The following FBXO36 variants were observed in gnomAD, a reference collection of about 807,000 sequenced individuals.
FBXO36 encodes F-box protein 36.
A neutral mutation model predicts 17.0 loss-of-function variants in FBXO36; 18 were observed. The ratio of observed to expected loss-of-function variants is 1.06; its 90% CI spans 0.73 to 1.57. The LOEUF is 1.57. Ranked by LOEUF, FBXO36 falls within the 40% of genes most tolerant of loss-of-function variation. The pLI is 0.00. For synonymous variants in FBXO36, 83 were observed against 85.3 expected (o/e 0.97, Z 0.15); for missense variants, 229 against 221.9 (o/e 1.03, Z -0.20).
At chr2:230,006,857 C>T (rs1362443907) in intron 3 of FBXO36, among the ~76,000 whole-genome samples, 1 of 152,222 alleles carries the variant, frequency 6.6e-6, no homozygotes, top group Non-Finnish European at 1.5e-5. Flanking sequence ...TCCCAAGAGC[C>T]AGACTGTGTA....
intron 2 of FBXO36, among the ~76,000 whole-genome samples, chr2:229,988,917 A>G (rs2077284377): frequency 6.7e-6 from 1 of 149,264 alleles, no homozygotes; most frequent in African/African-American, 2.5e-5. Flanking sequence ...CATATACTAT[A>G]TACATATCAT....
At chr2:230,009,623 G>T (rs1394296489) in intron 3 of FBXO36, among the ~76,000 whole-genome samples, 2 of 152,164 alleles carry the variant, frequency 1.3e-5, no homozygotes, top group Admixed American at 6.5e-5. Flanking sequence ...GACAGAAGAT[G>T]GGGTGATGGT....
At chr2:230,002,997 G>C (rs2077367965) in intron 3 of FBXO36, among the ~76,000 whole-genome samples, 1 of 151,900 alleles carries the variant, frequency 6.6e-6, no homozygotes, top group African/African-American at 2.4e-5. Context: ...TGGATCACGA[G>C]GTCAGGAGAT....
At chr2:229,976,372 T>TAC (rs1181438902) in intron 2 of FBXO36, 23 bp downstream of exon 2, 2 of 1,486,732 alleles carry the variant, frequency 1.3e-6, no homozygotes, top group African/African-American at 1.4e-5. Flanking sequence ...ACATATTATA[T>TAC]ACCCCTGTTA....
intron 3 of FBXO36, among the ~76,000 whole-genome samples, chr2:229,998,725 G>A (rs2077341016): frequency 6.6e-6 from 1 of 151,944 alleles, no homozygotes; most frequent in African/African-American, 2.4e-5. Flanking sequence ...AGGACGTTGA[G>A]GTTACAGTGA....
chr2:229,965,118 T>C (rs928223131), intron 1 of FBXO36, among the ~76,000 whole-genome samples: 9 of 151,064 alleles, frequency 6.0e-5, no homozygotes, highest in African/African-American at 1.9e-4. Flanking sequence ...TCTGATTTTT[T>C]AATACGCAGA....
Position 230,010,879 on chromosome 2 carries a change from C to T in FBXO36, c.562C>T (p.Pro188Ser), listed in dbSNP as rs142486766. The part of the protein sequence containing the change: ...QKYGNLREKQ[P>S] ...ATATGGAAACCTGAGAGAAAAGCAA[C>T]CTTAGGCACACATTTTCCTACCAGC... Residue 188 changes from proline (P) to serine (S), a missense_variant, in exon 4 of 4, where the codon CCT becomes TCT. By Grantham distance (74) the Pro-to-Ser change is moderately conservative. Transcript: ENST00000283946. 9 of 1,607,410 alleles carry T rather than the reference C, an allele frequency of 5.6e-6. No homozygotes were observed. The African/African-American group carries it at 1.2e-4, about 22-fold the overall frequency.
At chr2:229,969,479 G>A (rs2077170261) in intron 1 of FBXO36, among the ~76,000 whole-genome samples, 1 of 152,060 alleles carries the variant, frequency 6.6e-6, no homozygotes, top group South Asian at 2.1e-4. Context: ...ACGAGGCCAG[G>A]AGATTGAGAC....
At chr2:229,927,715 A>G (rs71415737) in intron 1 of FBXO36, among the ~76,000 whole-genome samples, 1 of 152,000 alleles carries the variant, frequency 6.6e-6, no homozygotes, top group African/African-American at 2.4e-5. Context: ...AATCCTATCC[A>G]AAGCTCCAAA....
intron 1 of FBXO36, among the ~76,000 whole-genome samples, chr2:229,963,535 C>T (rs1337250222): frequency 1.3e-5 from 2 of 150,784 alleles, no homozygotes; most frequent in African/African-American, 4.9e-5. Context: ...AGCTCCGCCT[C>T]GTGGGTTCAC....
chr2:229,933,622 G>A (rs924648328), intron 1 of FBXO36, among the ~76,000 whole-genome samples: 2 of 152,290 alleles, frequency 1.3e-5, no homozygotes, highest in African/African-American at 4.8e-5. Flanking sequence ...CTATTGAGAA[G>A]GCTGAGGCAG....
chr2:229,956,583 C>A (rs1315672869), intron 1 of FBXO36, among the ~76,000 whole-genome samples: 2 of 152,172 alleles, frequency 1.3e-5, no homozygotes, highest in African/African-American at 4.8e-5. Context: ...CAACTCGTGA[C>A]AAAGTCTGTC....
intron 1 of FBXO36, among the ~76,000 whole-genome samples, chr2:229,958,643 TATA>T (rs2077104763): frequency 6.6e-6 from 1 of 152,148 alleles, no homozygotes; most frequent in South Asian, 2.1e-4. Flanking sequence ...GTCAGGCCTC[TATA>T]AAGTATGTGT....
At chr2:229,985,899 T>A (rs72993088) in intron 2 of FBXO36, among the ~76,000 whole-genome samples, 2 of 151,748 alleles carry the variant, frequency 1.3e-5, no homozygotes, top group East Asian at 1.9e-4. Flanking sequence ...ATTAAAAAAA[T>A]TAGCTGGGCA....
At chr2:229,989,564 A>G (rs1411347096) in intron 2 of FBXO36, among the ~76,000 whole-genome samples, 1 of 138,422 alleles carries the variant, frequency 7.2e-6, no homozygotes, top group Non-Finnish European at 1.6e-5. Context: ...GCCATGATAT[A>G]TTTTGTTTGT....
Position 230,011,415 on chromosome 2 carries a change from C to T in FBXO36, c.*531C>T, listed in dbSNP as rs2077414819. ...AACTTTGTTCTGCTAAGTCCATATT[C>T]AGGGCCCTATCCTTGTGAGCCCAGG... On this transcript the variant is annotated 3_prime_UTR_variant, in exon 4 of 4. Transcript: ENST00000283946. 1 of 152,628 alleles carries T rather than the reference C, an allele frequency of 6.6e-6. No individual in the cohort carries two copies. Among genetic ancestry groups the T allele is most frequent in the Non-Finnish European group, 1.5e-5 (1 of 68,480 alleles). 9.5% of individuals were successfully genotyped at this position (152,628 alleles called of 1,614,324 possible). A position where few individuals can be genotyped will look rare whatever the true frequency, so the allele number is the denominator to read the frequency against.
At chr2:229,952,440 T>C (rs2077061932) in intron 1 of FBXO36, among the ~76,000 whole-genome samples, 1 of 152,148 alleles carries the variant, frequency 6.6e-6, no homozygotes, top group Non-Finnish European at 1.5e-5. Context: ...ACATCTCAGA[T>C]TGCAAGAGGG....
intron 3 of FBXO36, among the ~76,000 whole-genome samples, chr2:229,998,544 C>A (rs1373421205): frequency 6.6e-6 from 1 of 152,002 alleles, no homozygotes; most frequent in African/African-American, 2.4e-5. Flanking sequence ...ATCGCTTGAA[C>A]CCGGGAGGCG....
chr2:229,960,675 T>C (rs1335069724), intron 1 of FBXO36, among the ~76,000 whole-genome samples: 2 of 152,176 alleles, frequency 1.3e-5, no homozygotes, highest in Admixed American at 6.5e-5. Flanking sequence ...TTTTACTTTT[T>C]AGTTTTTTGT....
Sources: allele counts gnomAD v4.1 joint callset (sites outside exome capture counted in the v4.1 genomes callset), GRCh38; gene constraint gnomAD v4.1.1; transcripts MANE v1.5; gene names NCBI Gene and HGNC (gene_info 2026-07-23, HGNC 2026-07-21).